Variants in PXDNL observed in about 807,000 individuals in gnomAD.
PXDNL encodes peroxidasin like.
In PXDNL, 145 loss-of-function variants were observed where a neutral mutation model predicts 150.8. That is an observed-to-expected ratio of 0.96 (90% CI 0.84 to 1.10). The LOEUF (loss-of-function observed/expected upper bound fraction) is 1.10, where lower values mean the gene tolerates loss of function less well. Among genes scored for constraint, PXDNL ranks in the 50% least tolerant of loss-of-function variants. PXDNL has a pLI of 0.00. For missense variants in PXDNL, 2,087 were observed against 1,873.9 expected, an observed-to-expected ratio of 1.11 and a Z score of -2.10; for synonymous variants, 757 against 725.7, an observed-to-expected ratio of 1.04 and a Z score of -0.69.
At chr8:51,641,025 G>C (rs1814738022) in intron 2 of PXDNL, among the ~76,000 whole-genome samples, 1 of 152,124 alleles carries the variant, frequency 6.6e-6, no homozygotes, top group Non-Finnish European at 1.5e-5. Flanking sequence ...CAATGGAACA[G>C]CACAGAGCCC....
chr8:51,525,078 A>G (rs1393006081), intron 4 of PXDNL, among the ~76,000 whole-genome samples: 2 of 152,068 alleles, frequency 1.3e-5, no homozygotes, highest in Non-Finnish European at 2.9e-5. Flanking sequence ...CTGCTTCTCC[A>G]TTTTTAAAAA....
intron 2 of PXDNL, among the ~76,000 whole-genome samples, chr8:51,606,240 A>G (rs1241361858): frequency 6.6e-6 from 1 of 152,168 alleles, no homozygotes; most frequent in African/African-American, 2.4e-5. Flanking sequence ...ACATAAAGAG[A>G]TCTCAAAAGT....
chr8:51,601,364 C>A (rs1246622772), intron 2 of PXDNL, among the ~76,000 whole-genome samples: 3 of 151,944 alleles, frequency 2.0e-5, no homozygotes, highest in African/African-American at 7.2e-5. Context: ...TAAGTCATTG[C>A]AGATCCAGAA....
intron 14 of PXDNL, among the ~76,000 whole-genome samples, chr8:51,415,869 T>G (rs1808786422): frequency 6.6e-6 from 1 of 152,142 alleles, no homozygotes; most frequent in Non-Finnish European, 1.5e-5. Context: ...AGTTAACCAA[T>G]TGAGGAATCA....
chr8:51,538,148 G>A (rs946003175), intron 4 of PXDNL, among the ~76,000 whole-genome samples: 2 of 152,112 alleles, frequency 1.3e-5, no homozygotes, highest in African/African-American at 2.4e-5. Context: ...TCCAGCCCTC[G>A]TATCCCTGAG....
chr8:51,709,875 A>G (rs185695818), intron 1 of PXDNL, among the ~76,000 whole-genome samples: 1 of 152,326 alleles, frequency 6.6e-6, no homozygotes, highest in East Asian at 1.9e-4. Flanking sequence ...CACATTATCT[A>G]TGTGAAATTT....
At chr8:51,405,213 G>T (rs994657072) in intron 17 of PXDNL, among the ~76,000 whole-genome samples, 1 of 152,200 alleles carries the variant, frequency 6.6e-6, no homozygotes, top group African/African-American at 2.4e-5. Context: ...GGCCAGCCCA[G>T]AAAGGGGCTC....
intron 1 of PXDNL, among the ~76,000 whole-genome samples, chr8:51,656,073 T>A (rs1329353757): frequency 6.6e-6 from 1 of 152,094 alleles, no homozygotes; most frequent in Non-Finnish European, 1.5e-5. Flanking sequence ...AGGAGAAGTA[T>A]ATCAGGGAAA....
chr8:51,730,947 CAT>C (rs1816905634), intron 1 of PXDNL, among the ~76,000 whole-genome samples: 1 of 152,178 alleles, frequency 6.6e-6, no homozygotes, highest in Non-Finnish European at 1.5e-5. Context: ...CCTCCCATGA[CAT>C]GTGGAAATTA....
At chr8:51,661,847 C>CTTT (rs5891426) in intron 1 of PXDNL, among the ~76,000 whole-genome samples, 1 of 140,584 alleles carries the variant, frequency 7.1e-6, no homozygotes. Flanking sequence ...TCTTTCTTTT[C>CTTT]TTTTTTTTTT....
At chr8:51,375,022 A>C (rs1807261296) in intron 17 of PXDNL, among the ~76,000 whole-genome samples, 1 of 151,966 alleles carries the variant, frequency 6.6e-6, no homozygotes, top group Non-Finnish European at 1.5e-5. Flanking sequence ...ATGGAGTATA[A>C]CTGTATATAT....
In PXDNL at chr8:51,581,493, C is replaced by CTAAATAAATAAATAAATAAA. The variant is rs549807763; in HGVS notation, c.308+11114_308+11133dup. On this transcript the variant is annotated intron_variant, in intron 3 of 22. Coordinates refer to ENST00000356297, the MANE Select transcript of PXDNL (RefSeq NM_144651.5). The stretch of plus-strand genomic sequence containing the variant: ...TAGATGACAGAGTGAGACCCTGTCT[C>CTAAATAAATAAATAAATAAA]TAAATAAATAAATAAATAAATTTTA... 8.1e-3 allele frequency among the ~76,000 whole-genome samples: 1,163 copies of CTAAATAAATAAATAAATAAA among 143,856 alleles called. 13 individuals carry two copies. Among genetic ancestry groups the CTAAATAAATAAATAAATAAA allele is most frequent in the African/African-American group, 0.031 (1,062 of 34,704 alleles). The allele number at this position is 143,856 out of a possible 152,430, so 94.4% of individuals were successfully genotyped here.
intron 4 of PXDNL, among the ~76,000 whole-genome samples, chr8:51,504,512 G>T (rs963909306): frequency 6.6e-6 from 1 of 152,122 alleles, no homozygotes; most frequent in African/African-American, 2.4e-5. Flanking sequence ...CCTGTTTTCA[G>T]ATCTTACTGT....
At chr8:51,407,400 T>C (rs187652710) in intron 17 of PXDNL, among the ~76,000 whole-genome samples, 61 of 152,346 alleles carry the variant, frequency 4.0e-4, no homozygotes, top group African/African-American at 1.4e-3. Context: ...TAGTCTCCTA[T>C]ATTTAACCTA....
intron 19 of PXDNL, among the ~76,000 whole-genome samples, chr8:51,355,650 T>C (rs932796225): frequency 2.0e-5 from 3 of 152,238 alleles, no homozygotes; most frequent in Non-Finnish European, 4.4e-5. Flanking sequence ...TTCTGCTCTA[T>C]GCAAAGTCAA....
intron 4 of PXDNL, among the ~76,000 whole-genome samples, chr8:51,524,531 C>T (rs922373917): frequency 3.9e-5 from 6 of 152,082 alleles, no homozygotes; most frequent in Non-Finnish European, 8.8e-5. Flanking sequence ...AAAATTTAGG[C>T]AAATCTTTCC....
At position 51,486,020 on chromosome 8, in the gene PXDNL, C is replaced by G. The variant is rs1205140942; in HGVS notation, c.453-2306G>C. Among the ~76,000 whole-genome samples the G allele has an allele frequency of 2.0e-5, 3 of 152,114 alleles. No homozygotes were observed. The East Asian group carries it at 5.8e-4, about 29-fold the overall frequency. Reference sequence around the variant, plus strand: ...ACAATTTATGCCTGCTTTATTTTTGCTAGGTAAAATGAAAGCTTTCTTCAT... The same window carrying G: ...ACAATTTATGCCTGCTTTATTTTTGGTAGGTAAAATGAAAGCTTTCTTCAT... On this transcript the variant is annotated intron_variant, in intron 5 of 22. Coordinates refer to ENST00000356297, the MANE Select transcript of PXDNL (RefSeq NM_144651.5).
intron 15 of PXDNL, among the ~76,000 whole-genome samples, chr8:51,411,762 C>G (rs758082971): frequency 2.0e-5 from 3 of 152,108 alleles, no homozygotes; most frequent in Non-Finnish European, 4.4e-5. Context: ...GCAATACTCT[C>G]GGTCTGCAGG....
chr8:51,788,562 T>A (rs1039934638), intron 1 of PXDNL, among the ~76,000 whole-genome samples: 2 of 152,206 alleles, frequency 1.3e-5, no homozygotes, highest in Non-Finnish European at 2.9e-5. Flanking sequence ...CTTCACAATC[T>A]TAGACTTCAG....
Sources: allele counts gnomAD v4.1 joint callset (sites outside exome capture counted in the v4.1 genomes callset), GRCh38; gene constraint gnomAD v4.1.1; transcripts MANE v1.5; gene names NCBI Gene and HGNC (gene_info 2026-07-23, HGNC 2026-07-21).